Variants in PTPRK observed in about 807,000 individuals in gnomAD.
PTPRK encodes receptor-type tyrosine-protein phosphatase kappa.
In PTPRK, 75 loss-of-function variants were observed where a neutral mutation model predicts 178.0. The ratio of observed to expected loss-of-function variants is 0.42; its 90% CI spans 0.35 to 0.51. The LOEUF (loss-of-function observed/expected upper bound fraction) is 0.51. PTPRK is among the 20% of genes least tolerant of loss of function. The pLI is 0.02. For missense variants in PTPRK, 1,441 were observed against 1,797.8 expected (o/e 0.80, Z 3.59); for synonymous variants, 637 against 620.6 (o/e 1.03, Z -0.39).
chr6:128,015,961 A>C (rs1272670956), intron 13 of PTPRK, among the ~76,000 whole-genome samples: 1 of 151,844 alleles, frequency 6.6e-6, no homozygotes, highest in Non-Finnish European at 1.5e-5. Context: ...ATGAAATGTA[A>C]TACATATTTG....
At chr6:128,453,566 A>C (rs1584788451) in intron 1 of PTPRK, among the ~76,000 whole-genome samples, 1 of 152,152 alleles carries the variant, frequency 6.6e-6, no homozygotes, top group African/African-American at 2.4e-5. Context: ...CATTTACCTT[A>C]GTTTGTAAGA....
Position 128,209,003 on chromosome 6 carries a change from C to T in PTPRK, c.868+9919G>A, listed in dbSNP as rs926308097. Among the ~76,000 whole-genome samples, 3 of 152,158 alleles carry T rather than the reference C, an allele frequency of 2.0e-5. No homozygotes were observed. In the East Asian group the frequency reaches 5.8e-4, roughly 29 times the overall value. The stretch of plus-strand genomic sequence containing the variant: ...CTAGAAGTCTCCTTTGACTTCTCCT[C>T]CTACTGTCATTACACAATGCTTTAA... On this transcript the variant is annotated intron_variant, in intron 6 of 29. Coordinates refer to ENST00000368226, the MANE Select transcript of PTPRK (RefSeq NM_002844.4).
intron 7 of PTPRK, among the ~76,000 whole-genome samples, chr6:128,093,431 T>C (rs995111003): frequency 6.7e-6 from 1 of 150,194 alleles, no homozygotes; most frequent in Non-Finnish European, 1.5e-5. Context: ...CCATCTCTAC[T>C]AAAAATACAA....
chr6:128,143,716 C>CTT (rs1014095364), intron 7 of PTPRK, among the ~76,000 whole-genome samples: 1 of 152,158 alleles, frequency 6.6e-6, no homozygotes, highest in African/African-American at 2.4e-5. Flanking sequence ...TCACTTCACT[C>CTT]TTTATCCAGC....
intron 16 of PTPRK, among the ~76,000 whole-genome samples, chr6:127,997,417 C>A (rs1777285191): frequency 6.6e-6 from 1 of 152,010 alleles, no homozygotes; most frequent in African/African-American, 2.4e-5. Flanking sequence ...CATAATTATT[C>A]ATTAAATTGT....
intron 13 of PTPRK, among the ~76,000 whole-genome samples, chr6:128,026,898 G>A (rs967867922): frequency 6.6e-6 from 1 of 152,154 alleles, no homozygotes; most frequent in Non-Finnish European, 1.5e-5. Context: ...TGTGCTAGAT[G>A]CTGAGGGAGG....
intron 3 of PTPRK, among the ~76,000 whole-genome samples, chr6:128,243,524 G>T (rs138218516): frequency 0.081 from 10,593 of 130,228 alleles, 398 homozygotes; most frequent in Non-Finnish European, 0.12. Context: ...GAAAAGAAAA[G>T]AAAAGAAAAA....
chr6:128,517,070 A>ACACACACACACATG (rs1858164972), intron 1 of PTPRK, among the ~76,000 whole-genome samples: 1 of 151,400 alleles, frequency 6.6e-6, no homozygotes, highest in Non-Finnish European at 1.5e-5. Flanking sequence ...CTGAGTGAAA[A>ACACACACACACATG]CACACACACA....
chr6:128,159,976 C>T (rs1238608095), intron 7 of PTPRK, among the ~76,000 whole-genome samples: 1 of 151,616 alleles, frequency 6.6e-6, no homozygotes, highest in African/African-American at 2.4e-5. Flanking sequence ...TCTTTAGTAG[C>T]ACAAATTACA....
chr6:128,068,531 A>G (rs949719318), intron 11 of PTPRK, among the ~76,000 whole-genome samples: 1 of 152,198 alleles, frequency 6.6e-6, no homozygotes. Flanking sequence ...AAACTTTTCT[A>G]TAATTGCAAT....
intron 7 of PTPRK, among the ~76,000 whole-genome samples, chr6:128,162,300 A>T (rs1192541587): frequency 2.6e-5 from 4 of 151,630 alleles, no homozygotes; most frequent in African/African-American, 9.7e-5. Flanking sequence ...TACATTTTTT[A>T]AAATCTAAAT....
chr6:128,191,983 GT>G (rs1359303513), intron 6 of PTPRK, among the ~76,000 whole-genome samples: 1 of 152,190 alleles, frequency 6.6e-6, no homozygotes, highest in Non-Finnish European at 1.5e-5. Flanking sequence ...AAATGGGCAT[GT>G]GACTACACGA....
intron 7 of PTPRK, among the ~76,000 whole-genome samples, chr6:128,093,283 T>C (rs1562570332): frequency 6.6e-6 from 1 of 152,020 alleles, no homozygotes; most frequent in Non-Finnish European, 1.5e-5. Flanking sequence ...TCAAAAATTT[T>C]ATCAGAAACT....
At chr6:128,072,347 A>C (rs1165201794) in intron 11 of PTPRK, among the ~76,000 whole-genome samples, 1 of 152,056 alleles carries the variant, frequency 6.6e-6, no homozygotes, top group Admixed American at 6.6e-5. Flanking sequence ...AAAATATTGT[A>C]AATTGAAATG....
intron 1 of PTPRK, among the ~76,000 whole-genome samples, chr6:128,422,380 C>A (rs1382525134): frequency 3.3e-5 from 5 of 152,052 alleles, no homozygotes; most frequent in African/African-American, 9.7e-5. Flanking sequence ...AGCCAACACA[C>A]AAAGAGAAAT....
At chr6:128,131,410 A>G (rs1182934328) in intron 7 of PTPRK, among the ~76,000 whole-genome samples, 2 of 152,158 alleles carry the variant, frequency 1.3e-5, no homozygotes, top group Non-Finnish European at 2.9e-5. Flanking sequence ...AACGACCACT[A>G]TGAATGCTCT....
At chr6:128,098,022 C>G (rs949428256) in intron 7 of PTPRK, among the ~76,000 whole-genome samples, 6 of 151,956 alleles carry the variant, frequency 3.9e-5, no homozygotes, top group African/African-American at 1.5e-4. Flanking sequence ...CTCCTTTATC[C>G]CTAAAAGAAG....
chr6:128,454,129 A>G (rs1241587847), intron 1 of PTPRK, among the ~76,000 whole-genome samples: 1 of 152,212 alleles, frequency 6.6e-6, no homozygotes, highest in Non-Finnish European at 1.5e-5. Context: ...TTGCCCCTTC[A>G]GCCAAGTGAG....
At position 128,298,049 on chromosome 6, in the gene PTPRK, CTCTTT is replaced by C. The variant is rs1392879394; in HGVS notation, c.495+23985_495+23989del. Among the ~76,000 whole-genome samples the C allele has an allele frequency of 9.7e-3, 1,475 of 151,900 alleles. 25 individuals are homozygous for C. Among genetic ancestry groups the C allele is most frequent in the African/African-American group, 0.034 (1,398 of 41,312 alleles). ...TAAAAAATGATAAAGGGGATATCAC[CTCTTT>C]ATCGATCCCACAGAAATACAAACTA... On this transcript the variant is annotated intron_variant, in intron 3 of 29. Transcript: ENST00000368226.
Sources: allele counts gnomAD v4.1 joint callset (sites outside exome capture counted in the v4.1 genomes callset), GRCh38; gene constraint gnomAD v4.1.1; transcripts MANE v1.5; gene names NCBI Gene and HGNC (gene_info 2026-07-23, HGNC 2026-07-21).